The following SCHIP1 variants were observed in gnomAD, a reference collection of about 807,000 sequenced individuals.
SCHIP1 encodes the protein schwannomin-interacting protein 1.
Under a neutral mutation model 29.7 loss-of-function variants are expected in SCHIP1, and 8 were observed. The observed-to-expected ratio is 0.27, with a 90% CI of 0.16 to 0.49. The LOEUF is 0.49. Ranked by LOEUF, SCHIP1 falls within the 20% of genes least tolerant of loss-of-function variation. The pLI is 0.99. For synonymous variants in SCHIP1, 76 were observed against 94.9 expected, an observed-to-expected ratio of 0.80 and a Z score of 1.16; for missense variants, 193 against 294.6, an observed-to-expected ratio of 0.66 and a Z score of 2.52.
chr3:159,497,734 ATGAT>A, the SCHIP1 span, among the ~76,000 whole-genome samples: 1 of 151,910 alleles, frequency 6.6e-6, no homozygotes, highest in Non-Finnish European at 1.5e-5. Context: ...AGGAAACACT[ATGAT>A]TGATTATGTT....
At chr3:159,425,872 C>T in the SCHIP1 span, among the ~76,000 whole-genome samples, 2 of 152,290 alleles carry the variant, frequency 1.3e-5, no homozygotes, top group East Asian at 1.9e-4. Flanking sequence ...CAAACTAGAA[C>T]TCAGGATTAA....
the SCHIP1 span, among the ~76,000 whole-genome samples, chr3:159,509,290 C>A: frequency 1.3e-5 from 2 of 152,146 alleles, no homozygotes; most frequent in South Asian, 2.1e-4. Context: ...AGGATTGCAA[C>A]CCCTGCCTTT....
the SCHIP1 span, among the ~76,000 whole-genome samples, chr3:159,492,006 C>G: frequency 6.6e-6 from 1 of 152,172 alleles, no homozygotes; most frequent in Non-Finnish European, 1.5e-5. Flanking sequence ...GAGTGGACCT[C>G]CAGTAAACTC....
At chr3:159,687,014 A>G in the SCHIP1 span, among the ~76,000 whole-genome samples, 1 of 152,088 alleles carries the variant, frequency 6.6e-6, no homozygotes. Flanking sequence ...CACTCCCTTG[A>G]TAACTCCTGT....
At chr3:159,890,411 A>T (rs1404452153) in intron 5 of SCHIP1, among the ~76,000 whole-genome samples, 2 of 152,224 alleles carry the variant, frequency 1.3e-5, no homozygotes, top group African/African-American at 2.4e-5. Flanking sequence ...CTACTAAGTG[A>T]CAGTATAAAA....
At chr3:159,678,850 A>G in the SCHIP1 span, among the ~76,000 whole-genome samples, 5 of 152,198 alleles carry the variant, frequency 3.3e-5, no homozygotes, top group Non-Finnish European at 7.3e-5. Context: ...AAGGCGGGGG[A>G]AACCCCTTAT....
chr3:159,585,387 G>T, the SCHIP1 span, among the ~76,000 whole-genome samples: 1 of 152,120 alleles, frequency 6.6e-6, no homozygotes, highest in Non-Finnish European at 1.5e-5. Flanking sequence ...TTTCACAGGA[G>T]ATTCGTTTCT....
the SCHIP1 span, chr3:159,764,640 G>T: frequency 6.2e-7 from 1 of 1,605,474 alleles, no homozygotes; most frequent in Non-Finnish European, 8.5e-7. The surrounding 1 kb of genome is among the most constrained non-coding windows in gnomAD (Gnocchi z 6.1). Context: ...ACCAGAAGAA[G>T]GTGATTGATG....
At chr3:159,366,210 T>C in the SCHIP1 span, among the ~76,000 whole-genome samples, 2 of 152,172 alleles carry the variant, frequency 1.3e-5, no homozygotes, top group East Asian at 3.9e-4. Flanking sequence ...CGCCACACAC[T>C]TTTAAATGAC....
At chr3:159,400,844 T>C in the SCHIP1 span, among the ~76,000 whole-genome samples, 1 of 152,216 alleles carries the variant, frequency 6.6e-6, no homozygotes, top group African/African-American at 2.4e-5. Context: ...ATCCATCTCT[T>C]GGGCCCAAGT....
chr3:159,274,928 C>T, the SCHIP1 span: 11 of 960,002 alleles, frequency 1.1e-5, no homozygotes, highest in Non-Finnish European at 1.4e-5. Flanking sequence ...ATGCAATTTA[C>T]TCAGCTTGAC....
At chr3:159,495,941 A>G in the SCHIP1 span, among the ~76,000 whole-genome samples, 1 of 152,206 alleles carries the variant, frequency 6.6e-6, no homozygotes, top group Non-Finnish European at 1.5e-5. Context: ...GCCCTCAGAA[A>G]TAATGCCGCA....
the SCHIP1 span, among the ~76,000 whole-genome samples, chr3:159,803,324 C>G: frequency 6.6e-6 from 1 of 152,132 alleles, no homozygotes; most frequent in African/African-American, 2.4e-5. Context: ...AAGATTACTT[C>G]CATTCCAGCC....
the SCHIP1 span, among the ~76,000 whole-genome samples, chr3:159,717,094 C>T: frequency 6.7e-6 from 1 of 149,148 alleles, no homozygotes; most frequent in Non-Finnish European, 1.5e-5. Context: ...CACTCAAAAC[C>T]ACTCATGGAA....
the SCHIP1 span, among the ~76,000 whole-genome samples, chr3:159,828,814 C>A: frequency 1.3e-5 from 2 of 152,006 alleles, no homozygotes; most frequent in South Asian, 4.1e-4. Flanking sequence ...TGCTAAGATA[C>A]CTGGAATGAT....
the SCHIP1 span, among the ~76,000 whole-genome samples, chr3:159,327,760 C>T: frequency 6.6e-6 from 1 of 152,124 alleles, no homozygotes; most frequent in African/African-American, 2.4e-5. Flanking sequence ...GGTGGAAATG[C>T]AGTCCCATTT....
At chr3:159,720,737 A>C in the SCHIP1 span, among the ~76,000 whole-genome samples, 1 of 152,110 alleles carries the variant, frequency 6.6e-6, no homozygotes, top group Non-Finnish European at 1.5e-5. Flanking sequence ...GGCACCTGCC[A>C]GCCAGCCCAG....
chr3:159,556,174 C>T, the SCHIP1 span, among the ~76,000 whole-genome samples: 1 of 152,240 alleles, frequency 6.6e-6, no homozygotes, highest in African/African-American at 2.4e-5. Flanking sequence ...AAAATGCTCA[C>T]CATCACTGGC....
At chr3:159,855,176 C>G (rs1348975035) in intron 1 of SCHIP1, among the ~76,000 whole-genome samples, 1 of 152,162 alleles carries the variant, frequency 6.6e-6, no homozygotes, top group African/African-American at 2.4e-5. Context: ...CTTGTCATTC[C>G]GGCCTTTTAA....
Sources: gnomAD v4.1 joint callset for allele counts (sites outside exome capture counted in the v4.1 genomes callset) on GRCh38, gnomAD v4.1.1 for gene constraint, Gnocchi (gnomAD v3.1) non-coding constraint, MANE v1.5 for transcripts, NCBI Gene and HGNC (gene_info 2026-07-23, HGNC 2026-07-21) for gene names.